The following OTULINL variants were observed in gnomAD, a reference collection of about 807,000 sequenced individuals.
The protein encoded by OTULINL is inactive ubiquitin thioesterase OTULINL.
A neutral mutation model predicts 43.9 loss-of-function variants in OTULINL; 42 were observed. That is an observed-to-expected ratio of 0.96 (90% CI 0.75 to 1.24). OTULINL has a LOEUF of 1.24. Among genes scored for constraint, OTULINL ranks in the 50% most tolerant of loss-of-function variants. The pLI is 0.00. For synonymous variants in OTULINL, 172 were observed against 153.6 expected (o/e 1.12, Z -0.88); for missense variants, 411 against 426.4 (o/e 0.96, Z 0.32).
intron 1 of OTULINL, among the ~76,000 whole-genome samples, chr5:14,597,795 T>C (rs1048169103): frequency 6.6e-6 from 1 of 152,156 alleles, no homozygotes; most frequent in African/African-American, 2.4e-5. Context: ...CCCCCATGAA[T>C]AGGCTCCCTG....
intron 1 of OTULINL, among the ~76,000 whole-genome samples, chr5:14,595,640 C>CTTTTTTTTTTTTTTTTTTTTT (rs61482298): frequency 5.3e-5 from 3 of 57,112 alleles, no homozygotes; most frequent in African/African-American, 1.3e-4. Context: ...AAAAACGGTG[C>CTTTTTTTTTTTTTTTTTTTTT]TTTTTTTTTT....
Position 14,613,478 on chromosome 5 carries a change from A to G in OTULINL, c.*3164A>G, listed in dbSNP as rs915945552. The stretch of plus-strand genomic sequence containing the variant: ...AGTACAACCTAAGAGGGAGTTAGGT[A>G]CAACCTAGGAGGGAGTCAGGAGGAG... On this transcript the variant is annotated 3_prime_UTR_variant, in exon 8 of 8. Coordinates refer to ENST00000274217, the MANE Select transcript of OTULINL (RefSeq NM_019018.3). Among the ~76,000 whole-genome samples the G allele has an allele frequency of 1.3e-5, 2 of 152,126 alleles. No homozygotes were observed. The highest frequency in any genetic ancestry group is 2.4e-5 in the African/African-American group (1 of 41,432).
intron 1 of OTULINL, among the ~76,000 whole-genome samples, chr5:14,593,211 G>A (rs1265754558): frequency 6.6e-6 from 1 of 152,328 alleles, no homozygotes; most frequent in South Asian, 2.1e-4. Context: ...TCCAAAAAAG[G>A]GAAAAAGGAA....
rs907985988 is a variant in OTULINL at position 14,611,079 on chromosome 5, G to T, written c.*765G>T. The T allele has an allele frequency of 4.6e-5, 7 of 152,270 alleles. No homozygotes were observed. The highest frequency in any genetic ancestry group is 1.7e-4 in the African/African-American group (7 of 41,536). 9.4% of individuals were successfully genotyped at this position (152,270 alleles called of 1,614,324 possible). Reference sequence around the variant, plus strand: ...TGAACTATCACAAAACTATTAAACTGTGGTACATTTAATGTGTATTTAATG... The same window carrying T: ...TGAACTATCACAAAACTATTAAACTTTGGTACATTTAATGTGTATTTAATG... On this transcript the variant is annotated 3_prime_UTR_variant, in exon 8 of 8. Coordinates refer to ENST00000274217, the MANE Select transcript of OTULINL (RefSeq NM_019018.3).
chr5:14,601,443 G>A lies in OTULINL; in HGVS notation c.348+1G>A. 1.2e-6 allele frequency: 2 copies of A among 1,612,970 alleles called. No individual in the cohort carries two copies. Among genetic ancestry groups the A allele is most frequent in the Non-Finnish European group, 1.7e-6 (2 of 1,179,190 alleles). On this transcript the variant is annotated splice_donor_variant, in intron 4 of 7. Transcript: ENST00000274217. LOFTEE classifies it high-confidence loss of function. ...ACCCCGTAACAAGCTGATGAGGAAG[G>A]TGTGTCTGTTTTTAGAGGGTATGGG... is the stretch of plus-strand genomic sequence containing the variant.
At chr5:14,608,376 T>G (rs1310547617) in intron 6 of OTULINL, among the ~76,000 whole-genome samples, 1 of 152,194 alleles carries the variant, frequency 6.6e-6, no homozygotes, top group Non-Finnish European at 1.5e-5. Context: ...GACAGCTGTC[T>G]TCTTGGTGTG....
rs138486939 is a variant in OTULINL at position 14,584,459 on chromosome 5, T to A, written c.64+2501T>A. ...CTGTATACTTTTATGTTTGTTTTGT[T>A]GTTTTTTGCTGTTCTAGGTGAGGTT... On this transcript the variant is annotated intron_variant, in intron 1 of 7. Transcript: ENST00000274217. Among the ~76,000 whole-genome samples, 1,068 of 152,344 alleles carry A rather than the reference T, an allele frequency of 7.0e-3. 11 individuals carry two copies. The highest frequency in any genetic ancestry group is 7.9e-3 in the Non-Finnish European group (535 of 68,038).
intron 1 of OTULINL, among the ~76,000 whole-genome samples, chr5:14,588,710 C>A (rs1268801285): frequency 1.3e-5 from 2 of 152,210 alleles, no homozygotes; most frequent in Non-Finnish European, 2.9e-5. Context: ...CTCCACTATG[C>A]CTGGCTTCAA....
intron 1 of OTULINL, among the ~76,000 whole-genome samples, chr5:14,598,981 A>G (rs776389980): frequency 9.5e-4 from 145 of 152,222 alleles, no homozygotes; most frequent in Non-Finnish European, 1.6e-3. Flanking sequence ...CAGAATTTTT[A>G]AAGTTGAAAA....
chr5:14,607,256 C>T lies in OTULINL; in HGVS notation c.499-74C>T, dbSNP rs1425749564. The stretch of plus-strand genomic sequence containing the variant: ...AAAAAAAAAAAGATAAGGTTGTGTG[C>T]TGTGCTATACAGCAAATTGTGTGTA... On this transcript the variant is annotated intron_variant, in intron 5 of 7. Coordinates refer to ENST00000274217, the MANE Select transcript of OTULINL (RefSeq NM_019018.3). 8.3e-5 allele frequency: 121 copies of T among 1,458,122 alleles called. 1 individual carries two copies. Among genetic ancestry groups the T allele is most frequent in the Non-Finnish European group, 1.1e-4 (116 of 1,067,512 alleles). The allele number at this position is 1,458,122 out of a possible 1,614,324, so 90.3% of individuals were successfully genotyped here. A position where few individuals can be genotyped will look rare whatever the true frequency, so the allele number is the denominator to read the frequency against.
rs1303893098 is a variant in OTULINL, at chr5:14,615,068, A to G, written c.*4754A>G. 2 of 247,708 alleles carry G rather than the reference A, an allele frequency of 8.1e-6. No individual in the cohort carries two copies. Among genetic ancestry groups the G allele is most frequent in the African/African-American group, 2.2e-5 (1 of 44,998 alleles). 15.3% of individuals were successfully genotyped at this position (247,708 alleles called of 1,614,324 possible). ...TTCCACACGAGTATAAATTTAAAAC[A>G]GAAACATCAAGGTGTCAGCAATCAT... is the stretch of plus-strand genomic sequence containing the variant. On this transcript the variant is annotated 3_prime_UTR_variant, in exon 8 of 8. Coordinates refer to ENST00000274217, the MANE Select transcript of OTULINL (RefSeq NM_019018.3).
chr5:14,589,119 ACAGT>A (rs1156349186), intron 1 of OTULINL, among the ~76,000 whole-genome samples: 8 of 152,188 alleles, frequency 5.3e-5, no homozygotes, highest in African/African-American at 1.7e-4. Flanking sequence ...CAGAGTGAAA[ACAGT>A]CAGTCCCAGT....
At chr5:14,584,013 T>C (rs753321031) in intron 1 of OTULINL, among the ~76,000 whole-genome samples, 22 of 152,208 alleles carry the variant, frequency 1.4e-4, no homozygotes, top group Non-Finnish European at 2.8e-4. Flanking sequence ...TGAATCAGAA[T>C]GTTAGATGCA....
At chr5:14,598,765 T>TG (rs1759335772) in intron 1 of OTULINL, among the ~76,000 whole-genome samples, 1 of 152,230 alleles carries the variant, frequency 6.6e-6, no homozygotes, top group African/African-American at 2.4e-5. Flanking sequence ...TGAAATATTA[T>TG]GCATCATTAA....
chr5:14,582,695 G>C (rs1420898417), intron 1 of OTULINL, among the ~76,000 whole-genome samples: 4 of 151,094 alleles, frequency 2.6e-5, no homozygotes, highest in African/African-American at 9.7e-5. Flanking sequence ...AGTAGCTGTA[G>C]TCCCAGCTAC....
In OTULINL at chr5:14,607,471, G is replaced by A. The variant is rs199937398; in HGVS notation, c.627+13G>A. On this transcript the variant is annotated intron_variant, in intron 6 of 7. Coordinates refer to ENST00000274217, the MANE Select transcript of OTULINL (RefSeq NM_019018.3). ...ATTGAAAACACAGGTAAGTGTTTGC[G>A]GGGGAAATAAAAAGACTAGGAATAA... The A allele has an allele frequency of 4.9e-5, 79 of 1,612,594 alleles. No homozygotes were observed. The highest frequency in any genetic ancestry group is 2.1e-4 in the African/African-American group (16 of 74,916).
intron 1 of OTULINL, 110 bp downstream of exon 1, chr5:14,582,068 G>A: frequency 1.3e-6 from 1 of 783,038 alleles, no homozygotes; most frequent in Non-Finnish European, 1.7e-6. Flanking sequence ...CACCTTCGCT[G>A]CCTGTTGGGG....
rs1339453384 is a variant in OTULINL at position 14,607,446 on chromosome 5, A to G, written c.615A>G (p.Leu205=). Reference sequence around the variant, plus strand: ...GAAAACTACGGAAATATGTGGAATTATTGAAAACACAGGTAAGTGTTTGCG... The same window carrying G: ...GAAAACTACGGAAATATGTGGAATTGTTGAAAACACAGGTAAGTGTTTGCG... ...VFGKLRKYVE[L]LKTQWTEFNG... The change falls in exon 6 of 8, where the codon TTA becomes TTG. Residue 205 remains leucine (L), a synonymous_variant. Transcript: ENST00000274217. 3.1e-6 allele frequency: 5 copies of G among 1,614,078 alleles called. No individual in the cohort carries two copies. The highest frequency in any genetic ancestry group is 1.3e-5 in the African/African-American group (1 of 75,066).
chr5:14,595,773 T>G (rs1434798847), intron 1 of OTULINL, among the ~76,000 whole-genome samples: 1 of 149,524 alleles, frequency 6.7e-6, no homozygotes, highest in South Asian at 2.2e-4. Context: ...GGTCCTGGTA[T>G]AATTCCTCTA....
Sources: allele counts gnomAD v4.1 joint callset (sites outside exome capture counted in the v4.1 genomes callset), GRCh38; gene constraint gnomAD v4.1.1; transcripts MANE v1.5; gene names NCBI Gene and HGNC (gene_info 2026-07-23, HGNC 2026-07-21).